The following GTPBP1 variants were observed in gnomAD, a reference collection of about 807,000 sequenced individuals.
GTPBP1 encodes the protein GTP binding protein 1, also known as GTP-binding protein 1.
GTPBP1 carries 23 observed loss-of-function variants against 62.0 expected under a neutral mutation model. The ratio of observed to expected loss-of-function variants is 0.37; its 90% CI spans 0.27 to 0.53. The LOEUF is 0.53. GTPBP1 is among the 20% of genes least tolerant of loss of function. The pLI is 0.89. For missense variants in GTPBP1, 640 were observed against 917.3 expected, an observed-to-expected ratio of 0.70 and a Z score of 3.90; for synonymous variants, 344 against 364.4, an observed-to-expected ratio of 0.94 and a Z score of 0.64.
Position 38,716,892 on chromosome 22 carries a change from G to A in GTPBP1, c.726G>A (p.Glu242=), listed in dbSNP as rs766471698. 1.4e-5 allele frequency: 23 copies of A among 1,613,790 alleles called. No individual in the cohort carries two copies. In the Admixed American group the frequency reaches 2.7e-4, roughly 19 times the overall value. The change falls in exon 4 of 12, where the codon GAG becomes GAA. Residue 242 remains glutamate (E), a synonymous_variant. Transcript: ENST00000216044. The surrounding 1 kb of genome is among the most constrained non-coding windows in gnomAD (Gnocchi z 5.2). ...GCCTGGAGTGGACCAAGATCTGTGA[G>A]AAGTCCACGAAAGTCATTACCTTCA... The part of the protein sequence containing the change: ...GGSLEWTKIC[E]KSTKVITFID...
intron 2 of GTPBP1, among the ~76,000 whole-genome samples, chr22:38,714,554 T>C (rs1049621213): frequency 1.3e-5 from 2 of 151,054 alleles, no homozygotes; most frequent in African/African-American, 2.4e-5. Flanking sequence ...CAGATTCCCA[T>C]TGAGTAGATG....
At chr22:38,725,750 G>A in intron 6 of GTPBP1, 1 of 484,686 alleles carries the variant, frequency 2.1e-6, no homozygotes, top group East Asian at 3.3e-5. Context: ...GGGCAGTGGT[G>A]GAGGACAGAG....
Position 38,733,224 on chromosome 22 carries a change from T to G in GTPBP1, c.*2520T>G, listed in dbSNP as rs1326836102. On this transcript the variant is annotated 3_prime_UTR_variant, in exon 12 of 12. Coordinates refer to ENST00000216044, the MANE Select transcript of GTPBP1 (RefSeq NM_004286.5). ...GTGCCTCCATAACAAGCGTCTGGCGTTGAGACCCCTGGCATGGCAGGGGCT... is the reference window on the plus strand; with the variant it reads ...GTGCCTCCATAACAAGCGTCTGGCGGTGAGACCCCTGGCATGGCAGGGGCT... The G allele has an allele frequency of 6.6e-6, 1 of 152,264 alleles. No homozygotes were observed. Among genetic ancestry groups the G allele is most frequent in the Non-Finnish European group, 1.5e-5 (1 of 68,062 alleles). 9.4% of individuals were successfully genotyped at this position (152,264 alleles called of 1,614,324 possible).
chr22:38,742,368 C>A (rs1309611354), downstream of GTPBP1: 2 of 1,613,134 alleles, frequency 1.2e-6, no homozygotes, highest in Admixed American at 1.7e-5. Context: ...GCTCACTAGC[C>A]CCTCCAGCAG....
chr22:38,738,185 C>G (rs775107257), downstream of GTPBP1: 2 of 1,613,968 alleles, frequency 1.2e-6, no homozygotes, highest in Non-Finnish European at 1.7e-6. This position sits in a 1 kb window ranked among gnomAD's most constrained non-coding sequence, Gnocchi z 6.6. Context: ...GAAAGTGAAA[C>G]GTCTGAATAG....
downstream of GTPBP1, chr22:38,736,142 CA>C (rs1175657317): frequency 1.1e-6 from 1 of 941,934 alleles, no homozygotes; most frequent in Non-Finnish European, 1.7e-6. Context: ...TTTTCATCTG[CA>C]TGGGGCCACA....
chr22:38,725,752 A>T (rs1388335463), intron 6 of GTPBP1: 1 of 484,376 alleles, frequency 2.1e-6, no homozygotes, highest in Non-Finnish European at 3.7e-6. Context: ...GCAGTGGTGG[A>T]GGACAGAGAG....
downstream of GTPBP1, chr22:38,742,751 G>C: frequency 1.6e-6 from 1 of 643,030 alleles, no homozygotes; most frequent in Non-Finnish European, 2.6e-6. Context: ...GGGAGCCAGG[G>C]ATCACTGGGT....
intron 6 of GTPBP1, chr22:38,725,459 T>G (rs2092722135): frequency 6.5e-6 from 1 of 153,920 alleles, no homozygotes; most frequent in Admixed American, 6.4e-5. Context: ...GCCTGGTAGT[T>G]GCATAAAAGG....
intron 6 of GTPBP1, among the ~76,000 whole-genome samples, chr22:38,724,762 A>C (rs1569283063): frequency 6.6e-6 from 1 of 152,218 alleles, no homozygotes; most frequent in Non-Finnish European, 1.5e-5. Context: ...TATGTAGAGC[A>C]CTTAATGCCC....
intron 1 of GTPBP1, among the ~76,000 whole-genome samples, chr22:38,708,240 G>A (rs1265532057): frequency 6.6e-6 from 1 of 152,232 alleles, no homozygotes; most frequent in Non-Finnish European, 1.5e-5. Context: ...GTAAATGGTT[G>A]ACACTTCAAT....
intron 4 of GTPBP1, among the ~76,000 whole-genome samples, chr22:38,719,175 T>G (rs2092686432): frequency 1.3e-5 from 2 of 152,056 alleles, no homozygotes; most frequent in Admixed American, 1.3e-4. Flanking sequence ...CCAGCTAATT[T>G]TTAGTATTTT....
Position 38,731,143 on chromosome 22 carries a change from G to A in GTPBP1, c.*439G>A, listed in dbSNP as rs185838565. The A allele has an allele frequency of 3.1e-4, 48 of 155,714 alleles. No homozygotes were observed. In the East Asian group the frequency reaches 7.7e-3, roughly 25 times the overall value. The allele number at this position is 155,714 out of a possible 1,614,324, so 9.6% of individuals were successfully genotyped here. ...ATCTGTCTCTGAGAATCCTCGGGGCGGTCAGGGGATGTCAGGAGGGGAAGG... is the reference window on the plus strand; with the variant it reads ...ATCTGTCTCTGAGAATCCTCGGGGCAGTCAGGGGATGTCAGGAGGGGAAGG... On this transcript the variant is annotated 3_prime_UTR_variant, in exon 12 of 12. Coordinates refer to ENST00000216044, the MANE Select transcript of GTPBP1 (RefSeq NM_004286.5).
At chr22:38,740,562 G>T, downstream of GTPBP1, 2 of 1,040,130 alleles carry the variant, frequency 1.9e-6, no homozygotes, top group Non-Finnish European at 1.3e-6. The surrounding 1 kb of genome is among the most constrained non-coding windows in gnomAD (Gnocchi z 4.8). Context: ...TTGTGAACCT[G>T]AGAAGGGGCA....
chr22:38,729,551 A>G lies in GTPBP1; in HGVS notation c.1806A>G (p.Arg602=). The G allele has an allele frequency of 2.5e-6, 4 of 1,605,888 alleles. No homozygotes were observed. The African/African-American group carries it at 4.0e-5, about 16-fold the overall frequency. The change falls in exon 11 of 12, where the codon CGA becomes CGG. Residue 602 remains arginine, a synonymous_variant. Coordinates refer to ENST00000216044, the MANE Select transcript of GTPBP1 (RefSeq NM_004286.5). ...CGAAAAAGGGCCCCCTGACGAAACG[A>G]GACGAGGGGGGCCCGTCTGGTGGGC... The part of the protein sequence containing the change: ...QSTKKGPLTK[R]DEGGPSGGPA...
At chr22:38,740,134 C>G (rs2092842070), downstream of GTPBP1, 2 of 1,317,040 alleles carry the variant, frequency 1.5e-6, no homozygotes, top group Admixed American at 2.8e-5. This position sits in a 1 kb window ranked among gnomAD's most constrained non-coding sequence, Gnocchi z 4.8. Flanking sequence ...CCACATGTGT[C>G]AAGGCCAACG....
downstream of GTPBP1, among the ~76,000 whole-genome samples, chr22:38,741,851 G>GA (rs2092860733): frequency 6.6e-6 from 1 of 152,208 alleles, no homozygotes; most frequent in Non-Finnish European, 1.5e-5. Flanking sequence ...GCTTAGAGAA[G>GA]GTGAGGAGGC....
In GTPBP1 at chr22:38,726,099, C is replaced by T; in HGVS notation, c.1167C>T (p.Tyr389=). Residue 389 remains tyrosine (Y), a synonymous_variant, in exon 7 of 12, where the codon TAC becomes TAT. Coordinates refer to ENST00000216044, the MANE Select transcript of GTPBP1 (RefSeq NM_004286.5). The surrounding 1 kb of genome is among the most constrained non-coding windows in gnomAD (Gnocchi z 4.1). The part of the protein sequence containing the change: ...FLNLLSPRTS[Y]REEEPAEFQI... Reference sequence around the variant, plus strand: ...ACCTCCTCTCCCCCCGCACCAGCTACAGGGAGGAGGAGCCTGCTGAGTTTC... The same window carrying T: ...ACCTCCTCTCCCCCCGCACCAGCTATAGGGAGGAGGAGCCTGCTGAGTTTC... 6.2e-7 allele frequency: 1 copy of T among 1,614,066 alleles called. No homozygotes were observed. The highest frequency in any genetic ancestry group is 1.3e-5 in the African/African-American group (1 of 75,040).
At position 38,706,196 on chromosome 22, in the gene GTPBP1, C is replaced by G. The variant is rs1299313644; in HGVS notation, c.192+49C>G. 2.9e-5 allele frequency: 33 copies of G among 1,155,494 alleles called. No individual in the cohort carries two copies. The South Asian group carries it at 3.4e-4, about 12-fold the overall frequency. The allele number at this position is 1,155,494 out of a possible 1,614,324, so 71.6% of individuals were successfully genotyped here. A position where few individuals can be genotyped will look rare whatever the true frequency, so the allele number is the denominator to read the frequency against. ...GCGCTGAGGGGAGCGGGCGGCTGGC[C>G]GAGCAGTCTCCCGGGCGACGGCGGG... On this transcript the variant is annotated intron_variant, in intron 1 of 11. Transcript: ENST00000216044.
Sources: allele counts gnomAD v4.1 joint callset (sites outside exome capture counted in the v4.1 genomes callset), GRCh38; gene constraint gnomAD v4.1.1; non-coding constraint Gnocchi (gnomAD v3.1); transcripts MANE v1.5; gene names NCBI Gene and HGNC (gene_info 2026-07-23, HGNC 2026-07-21).